The following CLEC12A variants were observed in gnomAD, a reference collection of about 807,000 sequenced individuals.
The protein encoded by CLEC12A is C-type lectin protein CLL-1.
A neutral mutation model predicts 26.5 loss-of-function variants in CLEC12A; 22 were observed. The observed-to-expected ratio is 0.83, with a 90% CI of 0.59 to 1.19. CLEC12A has a LOEUF of 1.19. Among genes scored for constraint, CLEC12A ranks in the 50% most tolerant of loss-of-function variants. The pLI is 0.00. For missense variants in CLEC12A, 353 were observed against 315.6 expected, an observed-to-expected ratio of 1.12 and a Z score of -0.90; for synonymous variants, 119 against 101.9, an observed-to-expected ratio of 1.17 and a Z score of -1.01.
the CLEC12A span, among the ~76,000 whole-genome samples, chr12:10,002,123 C>G: frequency 6.6e-6 from 1 of 152,002 alleles, no homozygotes; most frequent in South Asian, 2.1e-4. Context: ...CCTCGTGATC[C>G]ACCCGCCTCG....
the CLEC12A span, among the ~76,000 whole-genome samples, chr12:10,004,810 C>T: frequency 6.6e-6 from 1 of 151,952 alleles, no homozygotes; most frequent in Non-Finnish European, 1.5e-5. Context: ...TACATGTGCA[C>T]AATGTGCAGG....
the CLEC12A span, among the ~76,000 whole-genome samples, chr12:10,002,961 T>C: frequency 0.051 from 7,743 of 152,236 alleles, 279 homozygotes; most frequent in African/African-American, 0.098. Flanking sequence ...GACTGATCAA[T>C]ATACAGGGAT....
At chr12:9,984,773 A>G in intron 5 of CLEC12A, 97 bp from the exon 6 acceptor site, 2 of 1,124,868 alleles carry the variant, frequency 1.8e-6, no homozygotes, top group Non-Finnish European at 1.2e-6. Flanking sequence ...CACAGAGTCT[A>G]GGGCAATAAT....
chr12:9,999,021 C>G, downstream of CLEC12A: 1 of 1,474,430 alleles, frequency 6.8e-7, no homozygotes, highest in Non-Finnish European at 9.5e-7. Context: ...AAATTATTGG[C>G]TCTGAGCATT....
At chr12:9,992,537 T>C (rs1389934966) in intron 4 of CLEC12A, 1 of 152,016 alleles carries the variant, frequency 6.6e-6, no homozygotes, top group African/African-American at 2.4e-5. Flanking sequence ...TTTCATGGAG[T>C]TTCTGGTACA....
At chr12:9,974,530 T>G (rs1864255916) in intron 1 of CLEC12A, among the ~76,000 whole-genome samples, 1 of 152,150 alleles carries the variant, frequency 6.6e-6, no homozygotes, top group South Asian at 2.1e-4. Flanking sequence ...AAAATAGTAA[T>G]ATTTATTTTT....
intron 1 of CLEC12A, among the ~76,000 whole-genome samples, chr12:9,965,634 GTTAGGCAAAACA>G: frequency 6.6e-6 from 1 of 152,032 alleles, no homozygotes; most frequent in Non-Finnish European, 1.5e-5. Flanking sequence ...CCATGGGGTG[GTTAGGCAAAACA>G]ATTTGGTTGA....
chr12:9,958,457 T>G (rs1591810870), intron 1 of CLEC12A, among the ~76,000 whole-genome samples: 1 of 152,330 alleles, frequency 6.6e-6, no homozygotes, highest in African/African-American at 2.4e-5. Context: ...GCAACAGATA[T>G]GCTTCAAATG....
At chr12:9,989,617 G>A (rs1209152725), downstream of CLEC12A, among the ~76,000 whole-genome samples, 1 of 152,212 alleles carries the variant, frequency 6.6e-6, no homozygotes, top group East Asian at 1.9e-4. Flanking sequence ...TCAGGTTTAA[G>A]GAAAGAAGCC....
At chr12:9,971,904 AT>A (rs1415864612) in intron 1 of CLEC12A, among the ~76,000 whole-genome samples, 1 of 152,178 alleles carries the variant, frequency 6.6e-6, no homozygotes, top group African/African-American at 2.4e-5. Flanking sequence ...AATCTTTTAC[AT>A]TTTTGAAATT....
chr12:9,971,512 AG>A lies in CLEC12A; in HGVS notation c.-83del. On this transcript the variant is annotated 5_prime_UTR_variant, in exon 1 of 6. Coordinates refer to ENST00000304361, the MANE Select transcript of CLEC12A (RefSeq NM_138337.6). ...TTTATAAACAGAAGTTTAAAATTAT[AG>A]GTCCTGTTTAACATTCAGCTCTGTT... 6.6e-7 allele frequency: 1 copy of A among 1,509,060 alleles called. No homozygotes were observed. Among genetic ancestry groups the A allele is most frequent in the East Asian group, 2.4e-5 (1 of 42,312 alleles). The allele number at this position is 1,509,060 out of a possible 1,614,324, so 93.5% of individuals were successfully genotyped here.
chr12:9,954,103 A>G (rs1470978721), intron 1 of CLEC12A, among the ~76,000 whole-genome samples: 2 of 147,988 alleles, frequency 1.4e-5, no homozygotes, highest in African/African-American at 2.5e-5. Context: ...GCCTAGGAAA[A>G]CCAGAGACCT....
rs996380957 is a variant in CLEC12A at position 9,954,361 on chromosome 12, G to T, written c.10+3005G>T. On this transcript the variant is annotated intron_variant, in intron 1 of 6. Transcript: ENST00000355690. Reference sequence around the variant, plus strand: ...AATACAAATATTAGCTGGGTGTAATGGTGCATACCTGTAGTCCCAGCTACT... The same window carrying T: ...AATACAAATATTAGCTGGGTGTAATTGTGCATACCTGTAGTCCCAGCTACT... 7.2e-4 allele frequency among the ~76,000 whole-genome samples: 110 copies of T among 152,012 alleles called. 1 individual carries two copies. The highest frequency in any genetic ancestry group is 4.6e-3 in the Admixed American group (70 of 15,264).
In CLEC12A at chr12:9,965,567, C is replaced by G. The variant is rs183453853; in HGVS notation, c.11-6010C>G. Among the ~76,000 whole-genome samples the G allele has an allele frequency of 2.8e-4, 42 of 151,920 alleles. 1 individual carries two copies. The East Asian group carries it at 8.1e-3, about 29-fold the overall frequency. On this transcript the variant is annotated intron_variant, in intron 1 of 6. Coordinates refer to the CLEC12A transcript ENST00000355690. ...AAGAAAGCATGTTTGAGACCCAGAA[C>G]AGAATAATGGGTTGTGGAGGGAGAT...
chr12:9,967,808 A>G (rs1179043047), upstream of CLEC12A, among the ~76,000 whole-genome samples: 1 of 152,154 alleles, frequency 6.6e-6, no homozygotes, highest in East Asian at 1.9e-4. Context: ...CTTGCTCCCA[A>G]GAAAAGCAGT....
chr12:9,979,341 G>C lies in CLEC12A; in HGVS notation c.196G>C (p.Val66Leu), dbSNP rs765212966. 17 of 1,585,364 alleles carry C rather than the reference G, an allele frequency of 1.1e-5. No homozygotes were observed. Among genetic ancestry groups the C allele is most frequent in the Non-Finnish European group, 1.5e-5 (17 of 1,163,078 alleles). ...GLGVLASMFH[V>L]TLKIEMKKMN... ...GTCATTTTTTTAATGTGGAGTTCAC[G>C]TAACTTTGAAGATAGAAATGAAAAA... The change falls in exon 3 of 6, where the codon GTA becomes CTA. Residue 66 changes from valine (V) to leucine (L), a missense_variant. Physicochemically the swap from Val to Leu is conservative, Grantham distance 32 (BLOSUM62 1). Coordinates refer to ENST00000304361, the MANE Select transcript of CLEC12A (RefSeq NM_138337.6).
downstream of CLEC12A, among the ~76,000 whole-genome samples, chr12:9,996,498 G>A (rs149004424): frequency 2.6e-5 from 4 of 151,674 alleles, no homozygotes; most frequent in Non-Finnish European, 5.9e-5. Context: ...TTCCGTATGC[G>A]TCTGAGTCCA....
chr12:9,961,009 C>T (rs1389215798), intron 1 of CLEC12A, among the ~76,000 whole-genome samples: 2 of 152,222 alleles, frequency 1.3e-5, no homozygotes, highest in Non-Finnish European at 2.9e-5. Context: ...GCCCTGCGAA[C>T]ATGCACCCAA....
intron 1 of CLEC12A, among the ~76,000 whole-genome samples, chr12:9,965,971 A>T (rs1863936011): frequency 2.0e-5 from 3 of 152,050 alleles, no homozygotes; most frequent in African/African-American, 7.2e-5. Flanking sequence ...CTGGGGGAAA[A>T]GGTGGCAATG....
Sources: gnomAD v4.1 joint callset for allele counts (sites outside exome capture counted in the v4.1 genomes callset) on GRCh38, gnomAD v4.1.1 for gene constraint, MANE v1.5 for transcripts, NCBI Gene and HGNC (gene_info 2026-07-23, HGNC 2026-07-21) for gene names.